The following SLC24A4 variants were observed in gnomAD, a reference collection of about 807,000 sequenced individuals.
SLC24A4 encodes solute carrier family 24 member 4, also known as sodium/potassium/calcium exchanger 4.
SLC24A4 carries 53 observed loss-of-function variants against 79.0 expected under a neutral mutation model. The observed-to-expected ratio is 0.67, with a 90% confidence interval of 0.54 to 0.84. The LOEUF (loss-of-function observed/expected upper bound fraction) is 0.84, where lower values mean the gene tolerates loss of function less well. SLC24A4 is among the 40% of genes least tolerant of loss of function. SLC24A4 has a pLI of 0.00. For missense variants in SLC24A4, 731 were observed against 822.0 expected (o/e 0.89, Z 1.35); for synonymous variants, 323 against 323.8 (o/e 1.00, Z 0.03).
chr14:92,434,900 A>G (rs1055363181), intron 3 of SLC24A4, among the ~76,000 whole-genome samples: 23 of 152,104 alleles, frequency 1.5e-4, no homozygotes, highest in Non-Finnish European at 1.5e-5. Context: ...CAGCCTCCCA[A>G]GTAGCTGGTA....
At chr14:92,412,201 C>T (rs184607130) in intron 2 of SLC24A4, among the ~76,000 whole-genome samples, 111 of 152,306 alleles carry the variant, frequency 7.3e-4, no homozygotes, top group African/African-American at 2.5e-3. Context: ...GATTGACTCA[C>T]ATTGGACCAT....
intron 2 of SLC24A4, among the ~76,000 whole-genome samples, chr14:92,422,306 A>G (rs1258654646): frequency 6.6e-6 from 1 of 152,258 alleles, no homozygotes; most frequent in Admixed American, 6.5e-5. Flanking sequence ...GGTAACAAGC[A>G]TCTTCACACA....
At chr14:92,438,253 G>A (rs982000322) in intron 3 of SLC24A4, among the ~76,000 whole-genome samples, 1 of 152,140 alleles carries the variant, frequency 6.6e-6, no homozygotes, top group Admixed American at 6.5e-5. Context: ...AGAGCGGCTC[G>A]CAGAATTCAG....
intron 7 of SLC24A4, among the ~76,000 whole-genome samples, chr14:92,444,290 A>T (rs778684578): frequency 1.4e-4 from 21 of 152,232 alleles, no homozygotes; most frequent in Non-Finnish European, 2.6e-4. Flanking sequence ...CGGATATGCC[A>T]GGAGATCCAA....
chr14:92,359,515 C>T (rs780343991), intron 2 of SLC24A4, among the ~76,000 whole-genome samples: 11 of 152,020 alleles, frequency 7.2e-5, no homozygotes, highest in East Asian at 3.9e-4. Context: ...AGGAGAATCG[C>T]GTGAACCTGG....
At chr14:92,482,967 C>A in intron 13 of SLC24A4, 121 bp downstream of exon 13, 1 of 934,950 alleles carries the variant, frequency 1.1e-6, no homozygotes, top group South Asian at 1.7e-5. Flanking sequence ...CCTCACTGAC[C>A]ACAGCGTATT....
intron 2 of SLC24A4, among the ~76,000 whole-genome samples, chr14:92,355,784 C>T (rs1316371135): frequency 2.0e-5 from 3 of 152,152 alleles, no homozygotes; most frequent in Admixed American, 6.5e-5. Context: ...GACACTGGCC[C>T]TGAGAGTCGG....
At chr14:92,422,966 A>G (rs919640742) in intron 2 of SLC24A4, among the ~76,000 whole-genome samples, 1 of 151,860 alleles carries the variant, frequency 6.6e-6, no homozygotes, top group Non-Finnish European at 1.5e-5. Flanking sequence ...ATGCACCACC[A>G]TGCCCAGATA....
chr14:92,330,495 G>A (rs1884680), intron 2 of SLC24A4, among the ~76,000 whole-genome samples: 140,737 of 152,236 alleles, frequency 0.92, 65,906 homozygotes, highest in East Asian at 1. Flanking sequence ...CTGAAAATGG[G>A]AAGCAGGTCT....
chr14:92,452,771 A>G (rs1269547590), intron 10 of SLC24A4: 3 of 152,394 alleles, frequency 2.0e-5, no homozygotes, highest in African/African-American at 4.8e-5. Flanking sequence ...TGACAAATGC[A>G]TGTTCTCCTG....
At chr14:92,335,718 C>G (rs754047207) in intron 2 of SLC24A4, among the ~76,000 whole-genome samples, 1 of 152,116 alleles carries the variant, frequency 6.6e-6, no homozygotes, top group Non-Finnish European at 1.5e-5. Flanking sequence ...ATTATGGTAT[C>G]GTACAGAATA....
At position 92,445,349 on chromosome 14, in the gene SLC24A4, T is replaced by G. The variant is rs1892741993; in HGVS notation, c.683+7T>G. The G allele has an allele frequency of 6.2e-7, 1 of 1,613,886 alleles. No individual in the cohort carries two copies. The highest frequency in any genetic ancestry group is 1.1e-5 in the South Asian group (1 of 91,040). ...ATGATGAACAAATTGTGTGGTAAGT[T>G]TTTCAAGTGTAGTTTTCATTGTTCT... On this transcript the variant is annotated splice_region_variant and intron_variant, in intron 8 of 16. Coordinates refer to ENST00000532405, the MANE Select transcript of SLC24A4 (RefSeq NM_153646.4).
At chr14:92,483,986 A>G (rs1200714145) in intron 13 of SLC24A4, 1 of 985,284 alleles carries the variant, frequency 1.0e-6, no homozygotes, top group Non-Finnish European at 1.2e-6. Flanking sequence ...AGGATCCTGG[A>G]TCACATGAGA....
intron 2 of SLC24A4, among the ~76,000 whole-genome samples, chr14:92,427,368 G>A (rs1047224064): frequency 2.6e-5 from 4 of 152,250 alleles, no homozygotes; most frequent in Non-Finnish European, 1.5e-5. Flanking sequence ...GGCACCATGG[G>A]GAAGGTGGCA....
intron 12 of SLC24A4, among the ~76,000 whole-genome samples, chr14:92,480,559 C>T (rs889432240): frequency 1.5e-4 from 22 of 151,686 alleles, no homozygotes; most frequent in African/African-American, 5.3e-4. Context: ...TCCCAAAGTG[C>T]TGGGATTACA....
chr14:92,437,531 A>T (rs1409833422), intron 3 of SLC24A4, among the ~76,000 whole-genome samples: 3 of 152,232 alleles, frequency 2.0e-5, no homozygotes, highest in African/African-American at 7.2e-5. Context: ...CATGAGACAG[A>T]TGCTGAAACC....
At chr14:92,474,144 T>C (rs1190599425) in intron 12 of SLC24A4, among the ~76,000 whole-genome samples, 1 of 152,250 alleles carries the variant, frequency 6.6e-6, no homozygotes, top group Non-Finnish European at 1.5e-5. Flanking sequence ...TCTAACTTCA[T>C]CAGCATAATA....
intron 9 of SLC24A4, among the ~76,000 whole-genome samples, chr14:92,448,379 C>CACACACACACACACACAA (rs1491519475): frequency 6.7e-5 from 10 of 148,822 alleles, no homozygotes; most frequent in African/African-American, 2.0e-4. Context: ...CACACACACA[C>CACACACACACACACACAA]AAATCCCTAC....
chr14:92,374,491 T>G (rs1374332589), intron 2 of SLC24A4, among the ~76,000 whole-genome samples: 1 of 152,184 alleles, frequency 6.6e-6, no homozygotes, highest in African/African-American at 2.4e-5. Flanking sequence ...CTGAGGTTGC[T>G]CTTCCATGTC....
Sources: gnomAD v4.1 joint callset for allele counts (sites outside exome capture counted in the v4.1 genomes callset) on GRCh38, gnomAD v4.1.1 for gene constraint, MANE v1.5 for transcripts, NCBI Gene and HGNC (gene_info 2026-07-23, HGNC 2026-07-21) for gene names.